RAD51AP2: variants seen among roughly 807,000 people sequenced by gnomAD.
The protein encoded by RAD51AP2 is RAD51-associated protein 2.
A neutral mutation model predicts 85.5 loss-of-function variants in RAD51AP2; 67 were observed. The observed-to-expected ratio is 0.78, with a 90% CI of 0.64 to 0.96. The LOEUF (loss-of-function observed/expected upper bound fraction) is 0.96, where lower values mean the gene tolerates loss of function less well. Ranked by LOEUF, RAD51AP2 falls within the 40% of genes least tolerant of loss-of-function variation. RAD51AP2 has a pLI of 0.00. For missense variants in RAD51AP2, 1,307 were observed against 1,332.4 expected (o/e 0.98, Z 0.30); for synonymous variants, 474 against 446.5 (o/e 1.06, Z -0.78).
chr2:17,524,405 A>T, the RAD51AP2 span, among the ~76,000 whole-genome samples: 1 of 151,992 alleles, frequency 6.6e-6, no homozygotes, highest in African/African-American at 2.4e-5. Flanking sequence ...GCTACAGTAA[A>T]GTTATATCTA....
At chr2:17,531,538 G>A in the RAD51AP2 span, among the ~76,000 whole-genome samples, 1 of 152,098 alleles carries the variant, frequency 6.6e-6, no homozygotes, top group Non-Finnish European at 1.5e-5. Context: ...TGGATCATTG[G>A]CAAGGTGTTA....
chr2:17,521,446 T>C (rs1662854820), upstream of RAD51AP2, among the ~76,000 whole-genome samples: 1 of 152,056 alleles, frequency 6.6e-6, no homozygotes, highest in South Asian at 2.1e-4. Flanking sequence ...TGAATAAATA[T>C]GCTAAATCTA....
chr2:17,519,110 T>A (rs1004240581), upstream of RAD51AP2, among the ~76,000 whole-genome samples: 2 of 151,992 alleles, frequency 1.3e-5, no homozygotes, highest in Non-Finnish European at 2.9e-5. Flanking sequence ...AAAAAAAAAA[T>A]AGTTTACTAT....
chr2:17,531,667 T>C, the RAD51AP2 span, among the ~76,000 whole-genome samples: 1 of 152,198 alleles, frequency 6.6e-6, no homozygotes, highest in Non-Finnish European at 1.5e-5. Context: ...CTTCCAGCAG[T>C]GGTACTGTGA....
chr2:17,511,678 A>G (rs1262694735), intron 2 of RAD51AP2, among the ~76,000 whole-genome samples: 1 of 152,222 alleles, frequency 6.6e-6, no homozygotes, highest in African/African-American at 2.4e-5. Flanking sequence ...TCAATATAAT[A>G]GCCTGTTATA....
chr2:17,533,689 G>A, the RAD51AP2 span, among the ~76,000 whole-genome samples: 1 of 152,168 alleles, frequency 6.6e-6, no homozygotes, highest in Admixed American at 6.5e-5. Flanking sequence ...GAAAGCAGGA[G>A]GATTGCTTGA....
At chr2:17,513,957 A>G in intron 2 of RAD51AP2, 55 bp downstream of exon 2, 1 of 933,456 alleles carries the variant, frequency 1.1e-6, no homozygotes, top group South Asian at 1.4e-5. Context: ...TACTAAAAAT[A>G]CCATAATGCA....
chr2:17,517,981 C>A lies in RAD51AP2; in HGVS notation c.435G>T (p.Val145=). The change falls in exon 1 of 3, where the codon GTG becomes GTT. Residue 145 remains valine (V), a synonymous_variant. Coordinates refer to ENST00000399080, the MANE Select transcript of RAD51AP2 (RefSeq NM_001099218.3). The part of the protein sequence containing the change: ...AGLHDREAFS[V]HRSNSSKAGV... ...CTGCTTTGGAGCTATTACTGCGGTG[C>A]ACACTGAAAGCCTCTCTGTCATGCA... is the stretch of plus-strand genomic sequence containing the variant. 1.2e-6 allele frequency: 2 copies of A among 1,614,180 alleles called. No homozygotes were observed. The highest frequency in any genetic ancestry group is 3.3e-5 in the Admixed American group (2 of 60,024).
Position 17,516,951 on chromosome 2 carries a change from G to T in RAD51AP2, c.1465C>A (p.Leu489Ile). 1 of 1,599,572 alleles carries T rather than the reference G, an allele frequency of 6.3e-7. No individual in the cohort carries two copies. ...LNGKGENDNT[L>I]QLRYNTTQKV... Reference sequence around the variant, plus strand: ...TGTGTAGTATTGTATCTCAACTGTAGAGTATTATCATTTTCTCCTTTACCA... The same window carrying T: ...TGTGTAGTATTGTATCTCAACTGTATAGTATTATCATTTTCTCCTTTACCA... The change falls in exon 1 of 3, where the codon CTA (leucine) becomes ATA (isoleucine). Residue 489 changes from leucine (L) to isoleucine (I), a missense_variant. By Grantham distance (5) the Leu-to-Ile change is conservative. Transcript: ENST00000399080.
At position 17,515,347 on chromosome 2, in the gene RAD51AP2, G is replaced by T; in HGVS notation, c.3069C>A (p.Asn1023Lys). ...IEKDLKMVVV[N>K]KIRASSSFHD... ...GGAACGAGGAAGATGCACGTATTTT[G>T]TTGACCACAACCATTTTCAAATCTT... Residue 1023 changes from asparagine (N) to lysine (K), a missense_variant, in exon 1 of 3, where the codon AAC becomes AAA. By Grantham distance (94) the Asn-to-Lys change is moderately conservative (BLOSUM62 0). Coordinates refer to ENST00000399080, the MANE Select transcript of RAD51AP2 (RefSeq NM_001099218.3). The T allele has an allele frequency of 6.2e-7, 1 of 1,612,348 alleles. No homozygotes were observed. The highest frequency in any genetic ancestry group is 8.5e-7 in the Non-Finnish European group (1 of 1,179,580).
At chr2:17,532,082 T>C in the RAD51AP2 span, among the ~76,000 whole-genome samples, 1 of 152,128 alleles carries the variant, frequency 6.6e-6, no homozygotes, top group Non-Finnish European at 1.5e-5. Context: ...AAGAAAACTC[T>C]TTCTATTATC....
chr2:17,517,242 A>AT lies in RAD51AP2; in HGVS notation c.1173dup (p.Ser392IlefsTer7). 3.1e-6 allele frequency: 5 copies of AT among 1,613,704 alleles called. No individual in the cohort carries two copies. Among genetic ancestry groups the AT allele is most frequent in the African/African-American group, 1.3e-5 (1 of 74,932 alleles). On this transcript the variant is annotated frameshift_variant, in exon 1 of 3. Transcript: ENST00000399080. LOFTEE classifies it high-confidence loss of function. Reference sequence around the variant, plus strand: ...CTAACGTTACAGTCCCAGTTTTGAGATTTTTCCAGCCTGGTAAGTACGTAA... The same window carrying AT: ...CTAACGTTACAGTCCCAGTTTTGAGATTTTTTCCAGCCTGGTAAGTACGTAA...
chr2:17,515,215 ATAACAAC>A lies in RAD51AP2; in HGVS notation c.3194_3200del (p.Ser1065IlefsTer41). On this transcript the variant is annotated frameshift_variant, in exon 1 of 3. Coordinates refer to ENST00000399080, the MANE Select transcript of RAD51AP2 (RefSeq NM_001099218.3). LOFTEE classifies it high-confidence loss of function. Reference sequence around the variant, plus strand: ...GTAATTCTTCCTCTGATCTACTTGGATAACAACTCTCATTAGGAACTTCCTGTTCTCC... The same window carrying A: ...GTAATTCTTCCTCTGATCTACTTGGATCTCATTAGGAACTTCCTGTTCTCC... 1 of 1,602,448 alleles carries A rather than the reference ATAACAAC, an allele frequency of 6.2e-7. No individual in the cohort carries two copies. The highest frequency in any genetic ancestry group is 8.5e-7 in the Non-Finnish European group (1 of 1,175,612).
the RAD51AP2 span, among the ~76,000 whole-genome samples, chr2:17,525,258 G>T: frequency 2.6e-5 from 4 of 151,964 alleles, no homozygotes. Flanking sequence ...ATAATGAATG[G>T]GTTTGGTATA....
In RAD51AP2 at chr2:17,515,857, A is replaced by C. The variant is rs1353066219; in HGVS notation, c.2559T>G (p.Asp853Glu). ...SLTNSCQVHK[D>E]TKIEKEEKDS... ...CTTTCTCTTCCTTTTCTATCTTAGT[A>C]TCTTTGTGAACTTGGCAACTATTTG... The change falls in exon 1 of 3, where the codon GAT becomes GAG. Residue 853 changes from aspartate (D) to glutamate (E), a missense_variant. Physicochemically the swap from Asp to Glu is conservative, Grantham distance 45. Around this residue, in one of 3 missense-constraint regions of RAD51AP2, gnomAD observed 668 missense variants for 671.0 expected, o/e 1.00. Transcript: ENST00000399080. 5 of 1,610,266 alleles carry C rather than the reference A, an allele frequency of 3.1e-6. No individual in the cohort carries two copies. The East Asian group carries it at 6.7e-5, about 22-fold the overall frequency.
At chr2:17,532,181 C>T in the RAD51AP2 span, among the ~76,000 whole-genome samples, 2 of 152,136 alleles carry the variant, frequency 1.3e-5, no homozygotes, top group African/African-American at 4.8e-5. Flanking sequence ...CCTAGGGCTG[C>T]TGTAACAAAT....
chr2:17,515,134 G>A (rs1662612274), intron 1 of RAD51AP2, 35 bp downstream of exon 1: 2 of 1,482,552 alleles, frequency 1.3e-6, no homozygotes, highest in African/African-American at 1.4e-5. Context: ...AATTTTTCTA[G>A]CATGAGAAAT....
intron 1 of RAD51AP2, 69 bp downstream of exon 1, chr2:17,515,100 T>C: frequency 8.1e-7 from 1 of 1,237,162 alleles, no homozygotes. Flanking sequence ...AATTATACAT[T>C]TGGCCTACAC....
the RAD51AP2 span, among the ~76,000 whole-genome samples, chr2:17,537,367 C>T: frequency 2.2e-4 from 33 of 152,236 alleles, 1 homozygote; most frequent in South Asian, 1.2e-3. Flanking sequence ...AATTATCTTA[C>T]GTAACACACC....
Sources: allele counts gnomAD v4.1 joint callset (sites outside exome capture counted in the v4.1 genomes callset), GRCh38; gene constraint gnomAD v4.1.1; regional missense constraint gnomAD v4.1.1; transcripts MANE v1.5; gene names NCBI Gene and HGNC (gene_info 2026-07-23, HGNC 2026-07-21).